The following BRINP3 variants were observed in gnomAD, a reference collection of about 807,000 sequenced individuals.
BRINP3 encodes the protein BMP/retinoic acid inducible neural specific 3.
A neutral mutation model predicts 71.0 loss-of-function variants in BRINP3; 19 were observed. The observed-to-expected ratio is 0.27, with a 90% confidence interval of 0.19 to 0.39. The LOEUF (loss-of-function observed/expected upper bound fraction) is 0.39, where lower values mean the gene tolerates loss of function less well. BRINP3 is among the 10% of genes least tolerant of loss of function. The pLI is 1.00. For synonymous variants in BRINP3, 380 were observed against 337.7 expected, an observed-to-expected ratio of 1.13 and a Z score of -1.37; for missense variants, 959 against 940.8, an observed-to-expected ratio of 1.02 and a Z score of -0.25.
At chr1:190,237,611 C>CT (rs1658649220) in intron 4 of BRINP3, among the ~76,000 whole-genome samples, 1 of 151,898 alleles carries the variant, frequency 6.6e-6, no homozygotes, top group African/African-American at 2.4e-5. Context: ...TTCCCCTATC[C>CT]TTTTGCCAGA....
chr1:190,285,309 C>T (rs1663335651), intron 2 of BRINP3, among the ~76,000 whole-genome samples: 1 of 152,138 alleles, frequency 6.6e-6, no homozygotes, highest in Admixed American at 6.6e-5. Context: ...GTCACCGTGG[C>T]CATGTGGCTT....
At chr1:190,177,911 T>A (rs1009338960) in intron 6 of BRINP3, among the ~76,000 whole-genome samples, 1 of 152,174 alleles carries the variant, frequency 6.6e-6, no homozygotes, top group Non-Finnish European at 1.5e-5. Context: ...ATGTACAAAC[T>A]TTTTTCTTGT....
rs545263373 is a variant in BRINP3, at chr1:190,241,776, C to A, written c.619-7299G>T. Among the ~76,000 whole-genome samples, 4 of 151,902 alleles carry A rather than the reference C, an allele frequency of 2.6e-5. No homozygotes were observed. The South Asian group carries it at 8.3e-4, about 32-fold the overall frequency. On this transcript the variant is annotated intron_variant, in intron 4 of 7. Coordinates refer to ENST00000367462, the MANE Select transcript of BRINP3 (RefSeq NM_199051.3). ...CTATTATTTCCTAAAACAGTACAAT[C>A]TTTTCTGTTACCACACATATAAGAT...
intron 3 of BRINP3, among the ~76,000 whole-genome samples, chr1:190,274,953 G>C (rs919468251): frequency 2.6e-5 from 4 of 151,634 alleles, no homozygotes; most frequent in Non-Finnish European, 5.9e-5. Flanking sequence ...AGATATTATG[G>C]GGAGGAAAGA....
intron 2 of BRINP3, among the ~76,000 whole-genome samples, chr1:190,345,039 T>C (rs1354913907): frequency 6.6e-6 from 1 of 151,926 alleles, no homozygotes; most frequent in Admixed American, 6.6e-5. Flanking sequence ...TTTAAAGTCA[T>C]GGTATAAATT....
intron 2 of BRINP3, among the ~76,000 whole-genome samples, chr1:190,419,725 T>C (rs1673244421): frequency 7.0e-6 from 1 of 143,140 alleles, no homozygotes; most frequent in South Asian, 2.3e-4. Flanking sequence ...ACACGTTAGC[T>C]TTCTAAGAAA....
At chr1:190,365,638 A>G (rs1043696272) in intron 2 of BRINP3, among the ~76,000 whole-genome samples, 9 of 143,666 alleles carry the variant, frequency 6.3e-5, no homozygotes, top group African/African-American at 2.3e-4. Flanking sequence ...TATAATTGTA[A>G]TATAATGATA....
intron 6 of BRINP3, among the ~76,000 whole-genome samples, chr1:190,164,255 C>T (rs1440929575): frequency 6.6e-6 from 1 of 152,070 alleles, no homozygotes; most frequent in Non-Finnish European, 1.5e-5. Flanking sequence ...TATTCTAAAG[C>T]ATTCTAAGTT....
chr1:190,381,850 C>T (rs1021642060), intron 2 of BRINP3, among the ~76,000 whole-genome samples: 27 of 152,142 alleles, frequency 1.8e-4, no homozygotes, highest in African/African-American at 6.3e-4. Flanking sequence ...CTTTTTCATA[C>T]AGATTACTTG....
At chr1:190,179,582 C>T (rs926737193) in intron 6 of BRINP3, among the ~76,000 whole-genome samples, 1 of 152,164 alleles carries the variant, frequency 6.6e-6, no homozygotes, top group East Asian at 1.9e-4. Flanking sequence ...ATTATTAATG[C>T]TCTATTTTAT....
chr1:190,409,826 T>A (rs550479842), intron 2 of BRINP3, among the ~76,000 whole-genome samples: 194 of 152,210 alleles, frequency 1.3e-3, no homozygotes, highest in African/African-American at 4.3e-3. Context: ...CTGATAAAAA[T>A]ATTTGACTCT....
intron 6 of BRINP3, among the ~76,000 whole-genome samples, chr1:190,203,132 T>C (rs949163447): frequency 3.9e-5 from 6 of 152,024 alleles, no homozygotes; most frequent in Non-Finnish European, 8.8e-5. Context: ...TAAAATTCTA[T>C]TAGTTAAAGT....
intron 2 of BRINP3, among the ~76,000 whole-genome samples, chr1:190,290,554 T>C (rs1663783066): frequency 6.6e-6 from 1 of 152,116 alleles, no homozygotes; most frequent in African/African-American, 2.4e-5. Context: ...GTTTATACGT[T>C]TGGTAGGCAA....
intron 3 of BRINP3, among the ~76,000 whole-genome samples, chr1:190,268,569 G>A (rs1404192730): frequency 6.6e-6 from 1 of 152,118 alleles, no homozygotes; most frequent in Non-Finnish European, 1.5e-5. Context: ...AAACCTAGAA[G>A]AGAATGCAGA....
intron 7 of BRINP3, among the ~76,000 whole-genome samples, chr1:190,139,025 GAATGCAATGA>G (rs1655205391): frequency 6.6e-6 from 1 of 152,010 alleles, no homozygotes; most frequent in South Asian, 2.1e-4. Flanking sequence ...TTTTATAACT[GAATGCAATGA>G]AATGACAGAC....
chr1:190,149,055 T>C, intron 7 of BRINP3, among the ~76,000 whole-genome samples: 1 of 152,334 alleles, frequency 6.6e-6, no homozygotes, highest in Middle Eastern at 3.4e-3. Context: ...TCCTCAATTG[T>C]GAATTTAAAG....
At chr1:190,467,940 G>A (rs538112278) in intron 1 of BRINP3, among the ~76,000 whole-genome samples, 59 of 151,502 alleles carry the variant, frequency 3.9e-4, no homozygotes, top group African/African-American at 1.3e-3. Flanking sequence ...GACATAGAGA[G>A]ACTATTAAAT....
At chr1:190,417,742 A>G (rs1673103847) in intron 2 of BRINP3, among the ~76,000 whole-genome samples, 1 of 152,210 alleles carries the variant, frequency 6.6e-6, no homozygotes, top group African/African-American at 2.4e-5. Flanking sequence ...AGACTATTTT[A>G]ATATGATATA....
At chr1:190,301,099 T>C (rs188800261) in intron 2 of BRINP3, among the ~76,000 whole-genome samples, 33 of 149,568 alleles carry the variant, frequency 2.2e-4, no homozygotes, top group Middle Eastern at 3.5e-3. Context: ...ATGTTGATTA[T>C]ATCTGTGTAT....
Sources: allele counts gnomAD v4.1 joint callset (sites outside exome capture counted in the v4.1 genomes callset), GRCh38; gene constraint gnomAD v4.1.1; transcripts MANE v1.5; gene names NCBI Gene and HGNC (gene_info 2026-07-23, HGNC 2026-07-21).